CHN2: variants seen among roughly 807,000 people sequenced by gnomAD.
CHN2 encodes the protein beta-chimaerin.
In CHN2, 35 loss-of-function variants were observed where a neutral mutation model predicts 56.3. The observed-to-expected ratio is 0.62, with a 90% CI of 0.47 to 0.82. The LOEUF is 0.82. Ranked by LOEUF, CHN2 falls within the 40% of genes least tolerant of loss-of-function variation. The pLI is 0.00. For missense variants in CHN2, 491 were observed against 580.5 expected, an observed-to-expected ratio of 0.85 and a Z score of 1.58; for synonymous variants, 210 against 212.8, an observed-to-expected ratio of 0.99 and a Z score of 0.12.
intron 6 of CHN2, among the ~76,000 whole-genome samples, chr7:29,448,713 C>T (rs1354677733): frequency 6.6e-6 from 1 of 152,178 alleles, no homozygotes; most frequent in Non-Finnish European, 1.5e-5. Context: ...CTTTTTCTCA[C>T]TGTTTGGCTA....
intron 1 of CHN2, among the ~76,000 whole-genome samples, chr7:29,236,329 T>C (rs1787194653): frequency 6.6e-6 from 1 of 152,240 alleles, no homozygotes. Flanking sequence ...AGTTCCCCTA[T>C]AGAGTAATTG....
At chr7:29,410,171 T>G (rs951141061) in intron 6 of CHN2, among the ~76,000 whole-genome samples, 25 of 152,342 alleles carry the variant, frequency 1.6e-4, no homozygotes, top group Non-Finnish European at 4.4e-5. Flanking sequence ...TTTAAATAAT[T>G]TATTCTGGAA....
At chr7:29,210,398 G>A (rs1445781372) in intron 1 of CHN2, among the ~76,000 whole-genome samples, 1 of 151,700 alleles carries the variant, frequency 6.6e-6, no homozygotes, top group East Asian at 1.9e-4. Flanking sequence ...ATGAAACCCA[G>A]CACGTACACA....
intron 1 of CHN2, among the ~76,000 whole-genome samples, chr7:29,203,729 T>C (rs1784326316): frequency 6.6e-6 from 1 of 152,148 alleles, no homozygotes; most frequent in South Asian, 2.1e-4. Context: ...TGTCTACTTA[T>C]CCTCCATTCA....
intron 1 of CHN2, among the ~76,000 whole-genome samples, chr7:29,350,934 C>T (rs1797829425): frequency 6.6e-6 from 1 of 151,810 alleles, no homozygotes; most frequent in African/African-American, 2.4e-5. Flanking sequence ...ATGATGAAAC[C>T]CCATCTCTAC....
intron 1 of CHN2, among the ~76,000 whole-genome samples, chr7:29,275,605 C>G (rs1444095097): frequency 1.3e-5 from 2 of 152,220 alleles, no homozygotes; most frequent in Admixed American, 6.5e-5. Context: ...CATGCCAGCA[C>G]TGAGCTAAGT....
At position 29,439,892 on chromosome 7, in the gene CHN2, T is replaced by C. The variant is rs376520112; in HGVS notation, c.576+39064T>C. ...ATTAGGTTCTCACAACTCTGTGGAG[T>C]TATTATCTCCATTTTACAGACAGGC... On this transcript the variant is annotated intron_variant, in intron 6 of 12. Transcript: ENST00000222792. Among the ~76,000 whole-genome samples the C allele has an allele frequency of 3.2e-4, 48 of 152,258 alleles. No homozygotes were observed. The South Asian group carries it at 1.0e-2, about 32-fold the overall frequency.
chr7:29,341,976 G>T lies in CHN2; in HGVS notation c.50-12649G>T, dbSNP rs531144753. Reference sequence around the variant, plus strand: ...TAAGAGATAAAAACATACCTTCAGGGACCTCTGTTCCATGCTTCCTGGGCA... The same window carrying T: ...TAAGAGATAAAAACATACCTTCAGGTACCTCTGTTCCATGCTTCCTGGGCA... On this transcript the variant is annotated intron_variant, in intron 1 of 12. Transcript: ENST00000222792. Among the ~76,000 whole-genome samples the T allele has an allele frequency of 7.9e-5, 12 of 152,260 alleles. No homozygotes were observed. In the East Asian group the frequency reaches 2.3e-3, roughly 29 times the overall value.
At chr7:29,504,608 A>T in intron 9 of CHN2, 136 bp from the exon 10 acceptor site, 1 of 596,296 alleles carries the variant, frequency 1.7e-6, no homozygotes, top group Non-Finnish European at 2.9e-6. Context: ...CTGATGCAAC[A>T]GTGTGTGATA....
intron 6 of CHN2, among the ~76,000 whole-genome samples, chr7:29,423,617 A>G (rs1280926885): frequency 6.6e-6 from 1 of 152,258 alleles, no homozygotes; most frequent in African/African-American, 2.4e-5. Context: ...TAAAACTGGA[A>G]GTGGAAAGTA....
chr7:29,175,823 T>C (rs563863955), intron 2 of CHN2, among the ~76,000 whole-genome samples: 87 of 152,284 alleles, frequency 5.7e-4, no homozygotes, highest in Non-Finnish European at 1.0e-3. Flanking sequence ...AAGTCTAACA[T>C]GTCTAATTCA....
chr7:29,507,160 TTCC>T (rs1445741307), intron 10 of CHN2, 65 bp from the exon 11 acceptor site: 6 of 1,439,824 alleles, frequency 4.2e-6, no homozygotes, highest in Non-Finnish European at 2.8e-6. Flanking sequence ...TTTTTTTTTT[TTCC>T]TTTCTGTACA....
chr7:29,287,094 C>G (rs1163306230), intron 1 of CHN2, among the ~76,000 whole-genome samples: 1 of 152,150 alleles, frequency 6.6e-6, no homozygotes, highest in Admixed American at 6.5e-5. Context: ...CTATGCTCTA[C>G]TTTATACGGG....
At chr7:29,423,145 T>C (rs1212802858) in intron 6 of CHN2, among the ~76,000 whole-genome samples, 1 of 152,206 alleles carries the variant, frequency 6.6e-6, no homozygotes, top group Non-Finnish European at 1.5e-5. Flanking sequence ...ATTCATAGAA[T>C]GTTAGCACCC....
At chr7:29,228,130 A>C (rs1786356782) in intron 1 of CHN2, among the ~76,000 whole-genome samples, 1 of 151,150 alleles carries the variant, frequency 6.6e-6, no homozygotes, top group Non-Finnish European at 1.5e-5. Flanking sequence ...TTAAAAAAAA[A>C]CCTGTACACA....
intron 1 of CHN2, among the ~76,000 whole-genome samples, chr7:29,352,536 A>C (rs1797965683): frequency 1.3e-5 from 2 of 152,156 alleles, no homozygotes; most frequent in South Asian, 4.1e-4. Context: ...AGCCTGGCCA[A>C]CGCGGTGAAA....
At chr7:29,424,298 G>A (rs530363238) in intron 6 of CHN2, among the ~76,000 whole-genome samples, 3 of 151,984 alleles carry the variant, frequency 2.0e-5, no homozygotes, top group African/African-American at 4.8e-5. Context: ...TCAAGATGCC[G>A]GGGACATAGT....
At chr7:29,387,589 G>T (rs1801015891) in intron 3 of CHN2, among the ~76,000 whole-genome samples, 1 of 152,182 alleles carries the variant, frequency 6.6e-6, no homozygotes, top group South Asian at 2.1e-4. Context: ...CACATTTCTA[G>T]CAAATTCCAA....
chr7:29,271,383 G>A (rs1470170916), intron 1 of CHN2, among the ~76,000 whole-genome samples: 2 of 152,194 alleles, frequency 1.3e-5, no homozygotes, highest in Non-Finnish European at 2.9e-5. Flanking sequence ...AAAACTTCAT[G>A]TTTCTGGAGT....
Sources: allele counts gnomAD v4.1 joint callset (sites outside exome capture counted in the v4.1 genomes callset), GRCh38; gene constraint gnomAD v4.1.1; transcripts MANE v1.5; gene names NCBI Gene and HGNC (gene_info 2026-07-23, HGNC 2026-07-21).